GABRB3: variants seen among roughly 807,000 people sequenced by gnomAD.
GABRB3 encodes gamma-aminobutyric acid receptor subunit beta-3.
Under a neutral mutation model 52.1 loss-of-function variants are expected in GABRB3, and 14 were observed. That is an observed-to-expected ratio of 0.27 (90% confidence interval 0.18 to 0.42). The LOEUF is 0.42. Among genes scored for constraint, GABRB3 ranks in the 10% least tolerant of loss-of-function variants. The probability of loss-of-function intolerance (pLI) is 1.00; values close to 1 mark genes in which losing one functional copy is unlikely to be tolerated. For missense variants in GABRB3, 307 were observed against 609.1 expected, an observed-to-expected ratio of 0.50 and a Z score of 5.22; for synonymous variants, 260 against 232.3, an observed-to-expected ratio of 1.12 and a Z score of -1.08.
chr15:26,678,114 T>TG, intron 3 of GABRB3, among the ~76,000 whole-genome samples: 1 of 152,264 alleles, frequency 6.6e-6, no homozygotes, highest in South Asian at 2.1e-4. Flanking sequence ...CAGAACCATG[T>TG]GAGGGCTAGG....
At chr15:26,570,689 T>A (rs1008735533) in intron 6 of GABRB3, among the ~76,000 whole-genome samples, 19 of 152,346 alleles carry the variant, frequency 1.2e-4, no homozygotes, top group African/African-American at 4.6e-4. Context: ...CTGACTCACA[T>A]CCCAGTTTTG....
intron 3 of GABRB3, among the ~76,000 whole-genome samples, chr15:26,692,767 T>G (rs1888625782): frequency 6.6e-6 from 1 of 152,046 alleles, no homozygotes. Flanking sequence ...TTTATACTGC[T>G]TTGATAATGG....
At chr15:26,549,622 T>C (rs1889384865) in intron 8 of GABRB3, among the ~76,000 whole-genome samples, 1 of 152,142 alleles carries the variant, frequency 6.6e-6, no homozygotes, top group Non-Finnish European at 1.5e-5. Flanking sequence ...TTGAAGGTCA[T>C]GTAACCTAAG....
chr15:26,742,947 T>TTTG (rs771203717), intron 3 of GABRB3, among the ~76,000 whole-genome samples: 10,675 of 103,596 alleles, frequency 0.1, 269 homozygotes, highest in Non-Finnish European at 0.15. Flanking sequence ...TTTTTTTTTT[T>TTTG]GAGACAGAGT....
At chr15:26,724,836 C>T (rs959528328) in intron 3 of GABRB3, among the ~76,000 whole-genome samples, 2 of 152,084 alleles carry the variant, frequency 1.3e-5, no homozygotes, top group Non-Finnish European at 2.9e-5. Context: ...TTCCCTTTGC[C>T]CCCCCTCAAA....
At position 26,674,400 on chromosome 15, in the gene GABRB3, CAAAAAA is replaced by C. The variant is rs55723767; in HGVS notation, c.241-52872_241-52867del. On this transcript the variant is annotated intron_variant, in intron 3 of 8. Transcript: ENST00000311550. Reference sequence around the variant, plus strand: ...TGGGTGACAGAGCGAGACTCAGTTTCAAAAAAAAAAAAAAAAAAAAAGAAAAGAAAA... The same window carrying C: ...TGGGTGACAGAGCGAGACTCAGTTTCAAAAAAAAAAAAAAAGAAAAGAAAA... Among the ~76,000 whole-genome samples the C allele has an allele frequency of 1.3e-4, 11 of 86,762 alleles. No individual in the cohort carries two copies. In the South Asian group the frequency reaches 2.6e-3, roughly 21 times the overall value. The allele number at this position is 86,762 out of a possible 152,430, so 56.9% of individuals were successfully genotyped here.
At chr15:26,673,033 G>T (rs755133634) in intron 3 of GABRB3, among the ~76,000 whole-genome samples, 1 of 152,156 alleles carries the variant, frequency 6.6e-6, no homozygotes, top group Non-Finnish European at 1.5e-5. Context: ...GCAAAAATCA[G>T]AGTATATCAT....
chr15:26,547,502 T>C lies in GABRB3; in HGVS notation c.*291A>G, dbSNP rs1889300733. On this transcript the variant is annotated 3_prime_UTR_variant, in exon 9 of 9. Coordinates refer to ENST00000311550, the MANE Select transcript of GABRB3 (RefSeq NM_000814.6). ...AAAAAAACTATGACTTTCTTTAATA[T>C]GCATCCTGTGGTAAATTGTCCATAG... 1 of 507,790 alleles carries C rather than the reference T, an allele frequency of 2.0e-6. No individual in the cohort carries two copies. Among genetic ancestry groups the C allele is most frequent in the Non-Finnish European group, 3.4e-6 (1 of 290,972 alleles). The allele number at this position is 507,790 out of a possible 1,614,324, so 31.5% of individuals were successfully genotyped here.
chr15:26,709,713 T>A (rs570658843), intron 3 of GABRB3, among the ~76,000 whole-genome samples: 1 of 152,048 alleles, frequency 6.6e-6, no homozygotes, highest in African/African-American at 2.4e-5. Context: ...GAGACAGGGT[T>A]TCACCCTGTT....
At chr15:26,641,078 C>T (rs1043597331) in intron 3 of GABRB3, among the ~76,000 whole-genome samples, 3 of 152,178 alleles carry the variant, frequency 2.0e-5, no homozygotes, top group African/African-American at 7.2e-5. Context: ...AAATCCAACA[C>T]CCTCTTCTAA....
chr15:26,570,593 C>T lies in GABRB3; in HGVS notation c.683-2860G>A, dbSNP rs546677577. 3.3e-5 allele frequency among the ~76,000 whole-genome samples: 5 copies of T among 152,306 alleles called. No homozygotes were observed. In the South Asian group the frequency reaches 8.3e-4, roughly 25 times the overall value. ...CCAAATTAACTTCAGTTTTATTTTC[C>T]ACCATGTTTCTGCATTAAGTATAAC... On this transcript the variant is annotated intron_variant, in intron 6 of 8. Transcript: ENST00000311550.
At chr15:26,616,453 G>C (rs907680334) in intron 4 of GABRB3, among the ~76,000 whole-genome samples, 4 of 152,014 alleles carry the variant, frequency 2.6e-5, no homozygotes, top group Admixed American at 2.6e-4. Context: ...TGTAAGTTTA[G>C]CTGCTAAACA....
chr15:26,678,384 C>T (rs188586825), intron 3 of GABRB3, among the ~76,000 whole-genome samples: 10 of 152,318 alleles, frequency 6.6e-5, no homozygotes, highest in African/African-American at 2.2e-4. Context: ...TCAGCAAGCA[C>T]GGTGTTACTA....
chr15:26,725,013 T>C (rs1030888961), intron 3 of GABRB3, among the ~76,000 whole-genome samples: 1 of 152,222 alleles, frequency 6.6e-6, no homozygotes, highest in African/African-American at 2.4e-5. Flanking sequence ...TATGTGAATG[T>C]TGGCCATGAC....
intron 3 of GABRB3, among the ~76,000 whole-genome samples, chr15:26,683,084 C>A (rs1888289503): frequency 1.4e-5 from 2 of 145,202 alleles, no homozygotes; most frequent in Admixed American, 7.2e-5. Flanking sequence ...CCCAGGCCAG[C>A]CAGGTGAGAG....
intron 3 of GABRB3, among the ~76,000 whole-genome samples, chr15:26,645,192 T>C (rs1401830928): frequency 6.6e-6 from 1 of 152,098 alleles, no homozygotes; most frequent in Non-Finnish European, 1.5e-5. Flanking sequence ...CACTGAGCTA[T>C]GATTGCACGA....
At chr15:26,604,918 G>A (rs1034214944) in intron 4 of GABRB3, among the ~76,000 whole-genome samples, 1 of 151,954 alleles carries the variant, frequency 6.6e-6, no homozygotes, top group African/African-American at 2.4e-5. Context: ...GGGACAAATG[G>A]GATCACATCA....
At chr15:26,620,305 T>C (rs534990334) in intron 4 of GABRB3, among the ~76,000 whole-genome samples, 1 of 152,180 alleles carries the variant, frequency 6.6e-6, no homozygotes, top group African/African-American at 2.4e-5. Flanking sequence ...AGAAAGTCAC[T>C]CACATGTTCT....
chr15:26,643,305 G>C (rs1303796376), intron 3 of GABRB3, among the ~76,000 whole-genome samples: 2 of 152,174 alleles, frequency 1.3e-5, no homozygotes, highest in Non-Finnish European at 2.9e-5. Context: ...GCCTCAGAAT[G>C]ATGGGATGCC....
Sources: gnomAD v4.1 joint callset for allele counts (sites outside exome capture counted in the v4.1 genomes callset) on GRCh38, gnomAD v4.1.1 for gene constraint, MANE v1.5 for transcripts, NCBI Gene and HGNC (gene_info 2026-07-23, HGNC 2026-07-21) for gene names.